The following FREM2 variants were observed in gnomAD, a reference collection of about 807,000 sequenced individuals.
FREM2 encodes the protein FRAS1-related extracellular matrix protein 2.
Under a neutral mutation model 219.9 loss-of-function variants are expected in FREM2, and 119 were observed. The observed-to-expected ratio is 0.54, with a 90% confidence interval of 0.47 to 0.63. The LOEUF is 0.63. Among genes scored for constraint, FREM2 ranks in the 30% least tolerant of loss-of-function variants. FREM2 has a pLI of 0.00. For synonymous variants in FREM2, 1,562 were observed against 1,522.8 expected (o/e 1.03, Z -0.60); for missense variants, 4,030 against 3,993.6 (o/e 1.01, Z -0.25).
At position 38,688,379 on chromosome 13, in the gene FREM2, C is replaced by G. The variant is rs368385671; in HGVS notation, c.1035C>G (p.Ala345=). Residue 345 remains alanine (A), a synonymous_variant, in exon 1 of 24, where the codon GCC becomes GCG. Coordinates refer to ENST00000280481, the MANE Select transcript of FREM2 (RefSeq NM_207361.6). ...CCCTGACCCCAGACATGCTGGCAGC[C>G]GAGGATGCTGAGTCTCCCTCTGACC... is the stretch of plus-strand genomic sequence containing the variant. ...LTALTPDMLA[A]EDAESPSDLL... is the part of the protein sequence containing the mutation. 1 of 1,614,062 alleles carries G rather than the reference C, an allele frequency of 6.2e-7. No individual in the cohort carries two copies. Among genetic ancestry groups the G allele is most frequent in the Non-Finnish European group, 8.5e-7 (1 of 1,179,958 alleles).
intron 2 of FREM2, among the ~76,000 whole-genome samples, chr13:38,698,636 GAGAGAGC>G (rs1870216177): frequency 6.6e-6 from 1 of 152,164 alleles, no homozygotes; most frequent in Non-Finnish European, 1.5e-5. Flanking sequence ...GGGTATATGT[GAGAGAGC>G]AGAGAGAGGA....
chr13:38,815,650 A>G (rs1875735868), intron 6 of FREM2, among the ~76,000 whole-genome samples: 1 of 152,334 alleles, frequency 6.6e-6, no homozygotes, highest in East Asian at 1.9e-4. Context: ...TATTTGGCAC[A>G]CAGTTCTGCA....
intron 4 of FREM2, among the ~76,000 whole-genome samples, chr13:38,770,413 C>A (rs1873616098): frequency 6.6e-6 from 1 of 151,850 alleles, no homozygotes. Flanking sequence ...CCAACATGTT[C>A]TTCCTGTTAT....
chr13:38,783,851 C>T (rs992023398), intron 5 of FREM2, among the ~76,000 whole-genome samples: 21 of 152,198 alleles, frequency 1.4e-4, no homozygotes, highest in African/African-American at 5.1e-4. Flanking sequence ...AATCCCAGCA[C>T]TTTGGGAGGC....
Position 38,688,353 on chromosome 13 carries a change from G to A in FREM2, c.1009G>A (p.Ala337Thr), listed in dbSNP as rs766922293. 2 of 1,614,054 alleles carry A rather than the reference G, an allele frequency of 1.2e-6. No homozygotes were observed. Among genetic ancestry groups the A allele is most frequent in the Non-Finnish European group, 1.7e-6 (2 of 1,180,024 alleles). ...GGAGGTGGACCAGTTTGTACTGACG[G>A]CCCTGACCCCAGACATGCTGGCAGC... Reference protein sequence around the residue: ...MMEVDQFVLTALTPDMLAAED... With the variant: ...MMEVDQFVLTTLTPDMLAAED... Residue 337 changes from alanine to threonine, a missense_variant, in exon 1 of 24, where the codon GCC becomes ACC. Physicochemically the swap from Ala to Thr is moderately conservative, Grantham distance 58. Transcript: ENST00000280481.
At chr13:38,764,957 T>C (rs1046274270) in intron 3 of FREM2, among the ~76,000 whole-genome samples, 21 of 152,170 alleles carry the variant, frequency 1.4e-4, no homozygotes, top group African/African-American at 3.4e-4. Flanking sequence ...GTTGCCCAGG[T>C]TGGAGTGCAG....
At chr13:38,848,376 A>G in intron 7 of FREM2, 85 bp from the exon 8 acceptor site, 1 of 985,432 alleles carries the variant, frequency 1.0e-6, no homozygotes, top group South Asian at 1.3e-5. Context: ...AAGAAGAATT[A>G]TAAACACAAT....
At chr13:38,868,394 C>A (rs1878044185) in intron 16 of FREM2, among the ~76,000 whole-genome samples, 1 of 152,180 alleles carries the variant, frequency 6.6e-6, no homozygotes, top group African/African-American at 2.4e-5. Context: ...TCACAACAAC[C>A]CTTTGAGATA....
chr13:38,721,814 A>T (rs1014968853), intron 2 of FREM2, among the ~76,000 whole-genome samples: 1 of 152,152 alleles, frequency 6.6e-6, no homozygotes, highest in Non-Finnish European at 1.5e-5. Context: ...ATAGTACTAA[A>T]ATCTACTAAT....
intron 2 of FREM2, among the ~76,000 whole-genome samples, chr13:38,717,866 C>T (rs567750207): frequency 1.3e-5 from 2 of 152,204 alleles, no homozygotes; most frequent in South Asian, 4.1e-4. Context: ...GAGTGTTTTC[C>T]TAGAAAACAT....
chr13:38,694,237 A>G (rs1870014326), intron 1 of FREM2, among the ~76,000 whole-genome samples: 1 of 152,190 alleles, frequency 6.6e-6, no homozygotes, highest in African/African-American at 2.4e-5. Flanking sequence ...AGTCACCATG[A>G]TTAATTTTTG....
intron 6 of FREM2, among the ~76,000 whole-genome samples, chr13:38,790,741 A>G (rs1010790645): frequency 6.6e-6 from 1 of 152,208 alleles, no homozygotes; most frequent in Non-Finnish European, 1.5e-5. Flanking sequence ...TTTTGCATCA[A>G]TCTAATATTT....
At chr13:38,717,112 A>G (rs558006585) in intron 2 of FREM2, among the ~76,000 whole-genome samples, 6 of 152,346 alleles carry the variant, frequency 3.9e-5, no homozygotes, top group Non-Finnish European at 7.3e-5. Flanking sequence ...TGTCACTAGA[A>G]GTATTCAAGT....
Position 38,876,007 on chromosome 13 carries a change from C to CTGG in FREM2, c.8282-14_8282-12dup. The stretch of plus-strand genomic sequence containing the variant: ...AACCACTATATCATTATTATAATTA[C>CTGG]TGGCACTTTCCTAGCATCCTTTACA... On this transcript the variant is annotated splice_polypyrimidine_tract_variant and intron_variant, in intron 18 of 23. Transcript: ENST00000280481. The CTGG allele has an allele frequency of 6.2e-7, 1 of 1,609,218 alleles. No individual in the cohort carries two copies. Among genetic ancestry groups the CTGG allele is most frequent in the Middle Eastern group, 1.7e-4 (1 of 6,048 alleles).
At chr13:38,812,459 T>C (rs537016188) in intron 6 of FREM2, among the ~76,000 whole-genome samples, 4 of 152,306 alleles carry the variant, frequency 2.6e-5, no homozygotes, top group African/African-American at 9.6e-5. Context: ...GTGTATCCAT[T>C]GTATGCTTTT....
intron 6 of FREM2, among the ~76,000 whole-genome samples, chr13:38,828,435 A>T (rs1321447179): frequency 6.6e-6 from 1 of 152,146 alleles, no homozygotes; most frequent in Non-Finnish European, 1.5e-5. Context: ...ATGGCCAGGC[A>T]CAGGGTCTCA....
At chr13:38,738,285 G>A (rs747536322) in intron 2 of FREM2, among the ~76,000 whole-genome samples, 16 of 152,244 alleles carry the variant, frequency 1.1e-4, no homozygotes, top group Non-Finnish European at 1.6e-4. Context: ...GGATAATTGG[G>A]CTGGGAGCAG....
chr13:38,840,745 CAT>C (rs893798118), intron 6 of FREM2, among the ~76,000 whole-genome samples: 1 of 151,118 alleles, frequency 6.6e-6, no homozygotes, highest in African/African-American at 2.4e-5. Context: ...CACACACACA[CAT>C]ACATATATGC....
At chr13:38,736,050 G>A (rs1326869202) in intron 2 of FREM2, among the ~76,000 whole-genome samples, 1 of 152,154 alleles carries the variant, frequency 6.6e-6, no homozygotes, top group African/African-American at 2.4e-5. Flanking sequence ...TAGGCTGTGC[G>A]AAAGGGCTTC....
Sources: gnomAD v4.1 joint callset for allele counts (sites outside exome capture counted in the v4.1 genomes callset) on GRCh38, gnomAD v4.1.1 for gene constraint, MANE v1.5 for transcripts, NCBI Gene and HGNC (gene_info 2026-07-23, HGNC 2026-07-21) for gene names.